The following TRPC4 variants were observed in gnomAD, a reference collection of about 807,000 sequenced individuals.
The protein encoded by TRPC4 is transient receptor potential cation channel subfamily C member 4, also known as short transient receptor potential channel 4.
A neutral mutation model predicts 99.4 loss-of-function variants in TRPC4; 49 were observed. That is an observed-to-expected ratio of 0.49 (90% CI 0.39 to 0.63). The LOEUF is 0.63. Among genes scored for constraint, TRPC4 ranks in the 20% least tolerant of loss-of-function variants. The pLI is 0.00. For synonymous variants in TRPC4, 454 were observed against 425.9 expected (o/e 1.07, Z -0.81); for missense variants, 898 against 1,152.9 (o/e 0.78, Z 3.20).
At chr13:37,807,043 A>G (rs1052955161) in intron 1 of TRPC4, among the ~76,000 whole-genome samples, 1 of 152,104 alleles carries the variant, frequency 6.6e-6, no homozygotes, top group African/African-American at 2.4e-5. Context: ...GCTTGAATCA[A>G]TACATAGAAA....
At chr13:37,663,850 G>C (rs535312044) in intron 5 of TRPC4, 121 bp from the exon 6 acceptor site, 1 of 923,994 alleles carries the variant, frequency 1.1e-6, no homozygotes, top group Non-Finnish European at 1.6e-6. Flanking sequence ...CTTTGTTTTC[G>C]ATTTTTGAAC....
At chr13:37,828,118 G>A (rs1348056831) in intron 1 of TRPC4, among the ~76,000 whole-genome samples, 3 of 152,108 alleles carry the variant, frequency 2.0e-5, no homozygotes, top group Admixed American at 6.5e-5. Flanking sequence ...GCAATGCCTC[G>A]CCCTGCTTCG....
chr13:37,842,875 C>T lies in TRPC4; in HGVS notation c.-28+26720G>A, dbSNP rs532624907. ...AAATGGAACGAAAAGAGTAAGGATG[C>T]TATATTTTCCTAGACGCTGTACAGC... is the stretch of plus-strand genomic sequence containing the variant. On this transcript the variant is annotated intron_variant, in intron 1 of 10. Transcript: ENST00000379705. 2.6e-4 allele frequency among the ~76,000 whole-genome samples: 39 copies of T among 152,266 alleles called. No individual in the cohort carries two copies. The South Asian group carries it at 4.6e-3, about 18-fold the overall frequency.
rs1432974125 is a variant in TRPC4 at position 37,637,467 on chromosome 13, C to T, written c.2370G>A (p.Lys790=). The T allele has an allele frequency of 3.7e-6, 6 of 1,613,522 alleles. No individual in the cohort carries two copies. Among genetic ancestry groups the T allele is most frequent in the Admixed American group, 1.7e-5 (1 of 59,914 alleles). ...AATCAAAAAGGCTGAAATTCTTTTT[C>T]TTGTCCTTGCTATTACCTTCGCTAT... ...KSDSEGNSKD[K]KKNFSLFDLT... is the part of the protein sequence containing the mutation. Residue 790 remains lysine (K), a synonymous_variant, in exon 11 of 11, where the codon AAG becomes AAA. Transcript: ENST00000379705.
intron 2 of TRPC4, among the ~76,000 whole-genome samples, chr13:37,763,371 T>G (rs2139250800): frequency 6.6e-6 from 1 of 151,692 alleles, no homozygotes; most frequent in Non-Finnish European, 1.5e-5. Context: ...TTCCCCTGAT[T>G]GGTTCTATTT....
intron 3 of TRPC4, among the ~76,000 whole-genome samples, chr13:37,731,647 A>T (rs73168460): frequency 6.6e-6 from 1 of 152,232 alleles, no homozygotes; most frequent in Non-Finnish European, 1.5e-5. Flanking sequence ...TATTTGTTGG[A>T]CCAGATGAAT....
chr13:37,674,257 T>C lies in TRPC4; in HGVS notation c.1345A>G (p.Ile449Val), dbSNP rs1219947865. The C allele has an allele frequency of 1.3e-6, 2 of 1,592,008 alleles. No homozygotes were observed. Among genetic ancestry groups the C allele is most frequent in the African/African-American group, 1.3e-5 (1 of 74,422 alleles). The change falls in exon 5 of 11, where the codon ATC (isoleucine) becomes GTC (valine). Residue 449 changes from isoleucine to valine, a missense_variant. This residue lies in a region of TRPC4 where 274 missense variants were observed against 454.9 expected (regional missense o/e 0.60). Coordinates refer to ENST00000379705, the MANE Select transcript of TRPC4 (RefSeq NM_016179.4). The stretch of plus-strand genomic sequence containing the variant: ...ACAAATGCAACAATTTTCAAGGAGA[T>C]TGTTGCTAAATATAAGGAGTTCATT... ...FVMNSLYLATISLKIVAFVKY... is the reference protein window; with the variant it reads ...FVMNSLYLATVSLKIVAFVKY...
chr13:37,708,133 C>G (rs771880712), intron 3 of TRPC4, among the ~76,000 whole-genome samples: 6 of 152,112 alleles, frequency 3.9e-5, no homozygotes, highest in Non-Finnish European at 4.4e-5. Context: ...GAATTAAAAT[C>G]TTAGCAATAA....
intron 2 of TRPC4, among the ~76,000 whole-genome samples, chr13:37,762,419 T>C (rs1956247260): frequency 6.6e-6 from 1 of 151,520 alleles, no homozygotes; most frequent in Non-Finnish European, 1.5e-5. Flanking sequence ...CATGCACACG[T>C]ATGTTTATTG....
chr13:37,772,311 A>G (rs531654858), intron 2 of TRPC4, among the ~76,000 whole-genome samples: 1 of 151,858 alleles, frequency 6.6e-6, no homozygotes, highest in East Asian at 2.0e-4. Context: ...CAATAAACAA[A>G]TGTCAAAAAG....
At chr13:37,768,016 G>A (rs1382823585) in intron 2 of TRPC4, among the ~76,000 whole-genome samples, 1 of 151,410 alleles carries the variant, frequency 6.6e-6, no homozygotes, top group Admixed American at 6.6e-5. Flanking sequence ...AACATCAAGA[G>A]CTAATAAGAG....
chr13:37,711,114 A>G (rs774427603), intron 3 of TRPC4, among the ~76,000 whole-genome samples: 2 of 152,036 alleles, frequency 1.3e-5, no homozygotes, highest in African/African-American at 2.4e-5. Flanking sequence ...AAATAGTACT[A>G]CATACCTTTT....
intron 1 of TRPC4, among the ~76,000 whole-genome samples, chr13:37,797,072 C>T (rs949550641): frequency 3.3e-5 from 5 of 150,904 alleles, no homozygotes; most frequent in Non-Finnish European, 5.9e-5. Context: ...CCCAGCACTT[C>T]GAGAGACTGA....
In TRPC4 at chr13:37,634,498, T is replaced by C. The variant is rs1187214352; in HGVS notation, c.*2405A>G. Among the ~76,000 whole-genome samples the C allele has an allele frequency of 6.6e-6, 1 of 152,054 alleles. No homozygotes were observed. Among genetic ancestry groups the C allele is most frequent in the African/African-American group, 2.4e-5 (1 of 41,424 alleles). On this transcript the variant is annotated 3_prime_UTR_variant, in exon 11 of 11. Transcript: ENST00000379705. ...GAGGGTCTTACTTGCTCCAAATACATTCCTCTATTACCATCATGTCCCCCT... is the reference window on the plus strand; with the variant it reads ...GAGGGTCTTACTTGCTCCAAATACACTCCTCTATTACCATCATGTCCCCCT...
At chr13:37,763,823 T>G (rs976536154) in intron 2 of TRPC4, among the ~76,000 whole-genome samples, 11 of 151,248 alleles carry the variant, frequency 7.3e-5, no homozygotes, top group Admixed American at 5.3e-4. Context: ...CTAGATAGAG[T>G]GAGCAGGGAA....
chr13:37,662,019 G>T (rs1454469204), intron 6 of TRPC4, among the ~76,000 whole-genome samples: 1 of 152,012 alleles, frequency 6.6e-6, no homozygotes. Flanking sequence ...GATCAAGAAG[G>T]AGCTGGAAGG....
chr13:37,680,454 C>T (rs1443031682), intron 4 of TRPC4, among the ~76,000 whole-genome samples: 2 of 152,192 alleles, frequency 1.3e-5, no homozygotes, highest in East Asian at 3.9e-4. Context: ...GTTTGGATTA[C>T]ATGGCTTTTA....
At chr13:37,803,393 C>T (rs1957453859) in intron 1 of TRPC4, among the ~76,000 whole-genome samples, 5 of 151,992 alleles carry the variant, frequency 3.3e-5, no homozygotes, top group Non-Finnish European at 5.9e-5. Context: ...GTAAACTCAC[C>T]CACATATAGA....
rs1593733131 is a variant in TRPC4 at position 37,783,391 on chromosome 13, A to G, written c.-27-31T>C. 25 of 1,476,830 alleles carry G rather than the reference A, an allele frequency of 1.7e-5. No individual in the cohort carries two copies. The East Asian group carries it at 5.5e-4, about 32-fold the overall frequency. 91.5% of individuals were successfully genotyped at this position (1,476,830 alleles called of 1,614,324 possible). On this transcript the variant is annotated intron_variant, in intron 1 of 10. Transcript: ENST00000379705. ...AGTAGAAACAAAAAACACAAAGATT[A>G]GTGTTAATATGCTTTTAAAATTGTT...
Sources: gnomAD v4.1 joint callset for allele counts (sites outside exome capture counted in the v4.1 genomes callset) on GRCh38, gnomAD v4.1.1 for gene constraint, gnomAD v4.1.1 regional missense constraint, MANE v1.5 for transcripts, NCBI Gene and HGNC (gene_info 2026-07-23, HGNC 2026-07-21) for gene names.